Variants in FGF14 observed in about 807,000 individuals in gnomAD.
FGF14 encodes fibroblast growth factor homologous factor 4.
A neutral mutation model predicts 25.5 loss-of-function variants in FGF14; 5 were observed. That is an observed-to-expected ratio of 0.20 (90% CI 0.10 to 0.41). FGF14 has a LOEUF of 0.41. FGF14 is among the 10% of genes least tolerant of loss of function. FGF14 has a pLI of 1.00. For missense variants in FGF14, 222 were observed against 320.1 expected, an observed-to-expected ratio of 0.69 and a Z score of 2.34; for synonymous variants, 138 against 118.3, an observed-to-expected ratio of 1.17 and a Z score of -1.08.
At chr13:102,220,863 T>G (rs1179486270) in intron 1 of FGF14, among the ~76,000 whole-genome samples, 1 of 152,234 alleles carries the variant, frequency 6.6e-6, no homozygotes, top group Admixed American at 6.5e-5. Flanking sequence ...CCTGTTGGTC[T>G]CAGCTCAGCC....
chr13:102,402,155 A>T (rs2139300748), upstream of FGF14: 1 of 161,216 alleles, frequency 6.2e-6, no homozygotes, highest in South Asian at 1.7e-4. Context: ...TGAGTCTGAC[A>T]GCCGAAGACA....
intron 1 of FGF14, among the ~76,000 whole-genome samples, chr13:101,963,824 T>C (rs771475732): frequency 3.3e-5 from 5 of 152,216 alleles, no homozygotes; most frequent in Non-Finnish European, 5.9e-5. Context: ...ACATTTCCAG[T>C]TGTAGAAAAT....
intron 1 of FGF14, among the ~76,000 whole-genome samples, chr13:102,346,454 AAC>A (rs908817159): frequency 6.9e-6 from 1 of 145,180 alleles, no homozygotes; most frequent in African/African-American, 2.5e-5. Flanking sequence ...TCTGAATTCA[AAC>A]CCTAGATTGT....
At chr13:101,754,642 T>C (rs1394664371) in intron 3 of FGF14, among the ~76,000 whole-genome samples, 2 of 151,834 alleles carry the variant, frequency 1.3e-5, no homozygotes, top group Non-Finnish European at 2.9e-5. Context: ...GGCGGGAGAA[T>C]TGCTTGAACC....
chr13:102,160,148 C>T (rs575612601), intron 1 of FGF14, among the ~76,000 whole-genome samples: 60 of 152,244 alleles, frequency 3.9e-4, no homozygotes, highest in African/African-American at 1.3e-3. Context: ...AATAAGGGTA[C>T]GTTTTTGGTT....
intron 3 of FGF14, among the ~76,000 whole-genome samples, chr13:101,771,295 T>G (rs186212679): frequency 5.3e-5 from 8 of 152,070 alleles, no homozygotes; most frequent in African/African-American, 1.9e-4. Context: ...GCAAATACAT[T>G]GAGGCTAATG....
intron 3 of FGF14, among the ~76,000 whole-genome samples, chr13:101,728,529 A>C (rs2139700097): frequency 6.6e-6 from 1 of 152,288 alleles, no homozygotes; most frequent in South Asian, 2.1e-4. Flanking sequence ...ATGTTCATGC[A>C]TTTATTGTGA....
At position 101,721,393 on chromosome 13, in the gene FGF14, A is replaced by C. The variant is rs1019908865; in HGVS notation, c.*1438T>G. On this transcript the variant is annotated 3_prime_UTR_variant, in exon 5 of 5. Coordinates refer to ENST00000376143, the MANE Select transcript of FGF14 (RefSeq NM_004115.4). Reference sequence around the variant, plus strand: ...AATTAAGAATGCAAAATAAAAGAAAATAAATGGAATGGACCAAAATCCTCA... The same window carrying C: ...AATTAAGAATGCAAAATAAAAGAAACTAAATGGAATGGACCAAAATCCTCA... 1 of 151,920 alleles carries C rather than the reference A, an allele frequency of 6.6e-6. No homozygotes were observed. The highest frequency in any genetic ancestry group is 2.4e-5 in the African/African-American group (1 of 41,378). 9.4% of individuals were successfully genotyped at this position (151,920 alleles called of 1,614,324 possible).
intron 3 of FGF14, among the ~76,000 whole-genome samples, chr13:101,769,038 T>C (rs564006583): frequency 2.6e-5 from 4 of 152,080 alleles, no homozygotes; most frequent in Non-Finnish European, 5.9e-5. Flanking sequence ...AACCACAGAC[T>C]GGGAGGAAGG....
At chr13:101,850,536 TATATA>T (rs1313728957) in intron 3 of FGF14, among the ~76,000 whole-genome samples, 413 of 3,954 alleles carry the variant, frequency 0.1, 90 homozygotes, top group African/African-American at 0.27. Flanking sequence ...TCTATATATA[TATATA>T]TATATATATA....
At chr13:101,804,420 C>T (rs1213631813) in intron 3 of FGF14, among the ~76,000 whole-genome samples, 1 of 152,106 alleles carries the variant, frequency 6.6e-6, no homozygotes, top group Non-Finnish European at 1.5e-5. Context: ...ATTTAGCATA[C>T]AAAACTCACA....
At position 101,916,685 on chromosome 13, in the gene FGF14, A is replaced by T; in HGVS notation, c.-40T>A. On this transcript the variant is annotated 5_prime_UTR_variant, in exon 1 of 5. Transcript: ENST00000376143. ...CGGGTCCGGGGAGGGAGGGCGCGGG[A>T]GGACGGCGAGCCGGGGGCACCGGAG... 5.5e-6 allele frequency: 8 copies of T among 1,459,096 alleles called. No homozygotes were observed. The highest frequency in any genetic ancestry group is 1.4e-5 in the South Asian group (1 of 70,512). 90.4% of individuals were successfully genotyped at this position (1,459,096 alleles called of 1,614,324 possible).
rs1212782033 is a variant in FGF14, at chr13:102,400,482, G to GCCA, written c.208+986_208+988dup. 3.3e-5 allele frequency among the ~76,000 whole-genome samples: 5 copies of GCCA among 152,160 alleles called. No homozygotes were observed. The highest frequency in any genetic ancestry group is 2.1e-4 in the South Asian group (1 of 4,830). The stretch of plus-strand genomic sequence containing the variant: ...GCCCAGCCTCCTCGCCAGCGCCGCC[G>GCCA]CCACCACCATGCAGCCCTCCAGCCT... On this transcript the variant is annotated intron_variant, in intron 1 of 4. Coordinates refer to the FGF14 transcript ENST00000376131. This position sits in a 1 kb window ranked among gnomAD's most constrained non-coding sequence, Gnocchi z 4.3.
At chr13:102,183,724 T>C (rs2048767196) in intron 1 of FGF14, among the ~76,000 whole-genome samples, 1 of 152,168 alleles carries the variant, frequency 6.6e-6, no homozygotes, top group African/African-American at 2.4e-5. Context: ...ACTGCCAGAT[T>C]GGCAAAGAAA....
chr13:101,972,013 G>A (rs751916981), intron 1 of FGF14, among the ~76,000 whole-genome samples: 2 of 152,184 alleles, frequency 1.3e-5, no homozygotes, highest in Non-Finnish European at 2.9e-5. Context: ...CAGGAGCACT[G>A]GGGGAATGAC....
At chr13:102,225,711 C>G (rs1226053811) in intron 1 of FGF14, among the ~76,000 whole-genome samples, 4 of 152,172 alleles carry the variant, frequency 2.6e-5, no homozygotes, top group African/African-American at 9.7e-5. Flanking sequence ...ACTCTCAGCT[C>G]TGCAAAATAT....
intron 1 of FGF14, among the ~76,000 whole-genome samples, chr13:102,227,263 T>C (rs7989725): frequency 6.6e-6 from 1 of 152,132 alleles, no homozygotes; most frequent in Non-Finnish European, 1.5e-5. Context: ...TTTTTCTTGC[T>C]TTTTCTCAGT....
intron 1 of FGF14, among the ~76,000 whole-genome samples, chr13:102,346,565 T>C (rs2057111017): frequency 6.6e-6 from 1 of 151,952 alleles, no homozygotes; most frequent in South Asian, 2.1e-4. Context: ...GCCATATATA[T>C]TTATATATAT....
intron 3 of FGF14, among the ~76,000 whole-genome samples, chr13:101,855,699 T>C (rs1487927221): frequency 2.6e-5 from 4 of 151,942 alleles, no homozygotes; most frequent in African/African-American, 9.7e-5. Flanking sequence ...GGATTTTTAA[T>C]TGGCTTGAAG....
Sources: allele counts gnomAD v4.1 joint callset (sites outside exome capture counted in the v4.1 genomes callset), GRCh38; gene constraint gnomAD v4.1.1; non-coding constraint Gnocchi (gnomAD v3.1); transcripts MANE v1.5; gene names NCBI Gene and HGNC (gene_info 2026-07-23, HGNC 2026-07-21).